The following ZNF354B variants were observed in gnomAD, a reference collection of about 807,000 sequenced individuals.
ZNF354B encodes the protein zinc finger protein 354B.
ZNF354B carries 10 observed loss-of-function variants against 12.9 expected under a neutral mutation model. That is an observed-to-expected ratio of 0.77 (90% CI 0.48 to 1.31). The LOEUF (loss-of-function observed/expected upper bound fraction) is 1.31. Among genes scored for constraint, ZNF354B ranks in the 40% most tolerant of loss-of-function variants. ZNF354B has a pLI of 0.00. For missense variants in ZNF354B, 614 were observed against 711.7 expected, an observed-to-expected ratio of 0.86 and a Z score of 1.56; for synonymous variants, 260 against 243.7, an observed-to-expected ratio of 1.07 and a Z score of -0.62.
In ZNF354B at chr5:178,867,063, CCT is replaced by C; in HGVS notation, c.253_254del (p.Leu85ArgfsTer3). Reference sequence around the variant, plus strand: ...GTGGAGAAAGACAGTTCTGGTGTCTCCTCTCTAGGTAAGTGGGTGGCCCGAGG... The same window carrying C: ...GTGGAGAAAGACAGTTCTGGTGTCTCCTCTAGGTAAGTGGGTGGCCCGAGG... On this transcript the variant is annotated frameshift_variant, in exon 4 of 5. Transcript: ENST00000322434. LOFTEE classifies it low-confidence loss of function (END_TRUNC). 6.2e-7 allele frequency: 1 copy of C among 1,612,882 alleles called. No individual in the cohort carries two copies. Among genetic ancestry groups the C allele is most frequent in the Non-Finnish European group, 8.5e-7 (1 of 1,179,776 alleles).
Position 178,882,712 on chromosome 5 carries a change from G to A in ZNF354B, c.260G>A (p.Cys87Tyr), listed in dbSNP as rs113373588. The change falls in exon 5 of 5, where the codon TGT becomes TAT. Residue 87 changes from cysteine (C) to tyrosine (Y), a missense_variant. Physicochemically the swap from Cys to Tyr is radical, Grantham distance 194 (BLOSUM62 -2). Coordinates refer to ENST00000322434, the MANE Select transcript of ZNF354B (RefSeq NM_058230.3). ...KDSSGVSSLGCKSTPKMTKST... is the reference protein window; with the variant it reads ...KDSSGVSSLGYKSTPKMTKST... ...CTTTCTTTTTTTCTTTTTTCAGGAT[G>A]TAAGAGCACACCTAAAATGACAAAG... 5 of 1,555,570 alleles carry A rather than the reference G, an allele frequency of 3.2e-6. No individual in the cohort carries two copies. The highest frequency in any genetic ancestry group is 2.5e-5 in the South Asian group (2 of 80,494).
At chr5:178,878,824 C>T (rs1250449711) in intron 4 of ZNF354B, among the ~76,000 whole-genome samples, 1 of 151,724 alleles carries the variant, frequency 6.6e-6, no homozygotes, top group Non-Finnish European at 1.5e-5. Flanking sequence ...GCCTTAGCCT[C>T]CCAAGTAGCT....
Position 178,883,836 on chromosome 5 carries a change from G to A in ZNF354B, c.1384G>A (p.Gly462Arg). Residue 462 changes from glycine (G) to arginine (R), a missense_variant, in exon 5 of 5, where the codon GGA becomes AGA. Coordinates refer to ENST00000322434, the MANE Select transcript of ZNF354B (RefSeq NM_058230.3). ...TATTATTCATGAGCGAATTCATACT[G>A]GAGAAAAACCATGTAAATGTAAAGT... The part of the protein sequence containing the change: ...TLIIHERIHT[G>R]EKPCKCKVCG... The A allele has an allele frequency of 6.2e-7, 1 of 1,614,076 alleles. No homozygotes were observed. Among genetic ancestry groups the A allele is most frequent in the Non-Finnish European group, 8.5e-7 (1 of 1,179,996 alleles).
chr5:178,874,935 T>C (rs1047128061), intron 4 of ZNF354B, among the ~76,000 whole-genome samples: 5 of 152,370 alleles, frequency 3.3e-5, no homozygotes, highest in African/African-American at 4.8e-5. Flanking sequence ...GCCAGTGTTT[T>C]ATGCAGGGTG....
At chr5:178,875,054 G>C (rs2114020222) in intron 4 of ZNF354B, among the ~76,000 whole-genome samples, 1 of 152,260 alleles carries the variant, frequency 6.6e-6, no homozygotes, top group East Asian at 1.9e-4. Flanking sequence ...TAAGTGTTAT[G>C]GCCAGTAGGT....
At chr5:178,877,672 C>T (rs1455391726) in intron 4 of ZNF354B, among the ~76,000 whole-genome samples, 2 of 152,206 alleles carry the variant, frequency 1.3e-5, no homozygotes, top group Non-Finnish European at 2.9e-5. Context: ...ATTTGGAGAA[C>T]AAGGTCTTTA....
chr5:178,867,223 T>C (rs1757476497), intron 4 of ZNF354B, 152 bp downstream of exon 4: 1 of 731,952 alleles, frequency 1.4e-6, no homozygotes. Context: ...TAGGCAGGAT[T>C]AGTCACTTGT....
intron 4 of ZNF354B, among the ~76,000 whole-genome samples, 179 bp from the exon 5 acceptor site, chr5:178,882,530 C>T (rs1255706641): frequency 1.3e-5 from 2 of 152,138 alleles, no homozygotes; most frequent in Non-Finnish European, 2.9e-5. Flanking sequence ...TTGTTTTATT[C>T]ATTTGTTCAC....
At chr5:178,868,999 G>A (rs1248222028) in intron 4 of ZNF354B, among the ~76,000 whole-genome samples, 3 of 151,402 alleles carry the variant, frequency 2.0e-5, no homozygotes, top group East Asian at 1.9e-4. Flanking sequence ...AATGGTGTTC[G>A]TGAAGGTCCA....
At chr5:178,872,280 TA>T in intron 4 of ZNF354B, among the ~76,000 whole-genome samples, 1 of 152,106 alleles carries the variant, frequency 6.6e-6, no homozygotes, top group East Asian at 1.9e-4. Flanking sequence ...CCACTTAACA[TA>T]AATCTCTGGA....
At chr5:178,881,579 A>G (rs1423283585) in intron 4 of ZNF354B, among the ~76,000 whole-genome samples, 2 of 152,154 alleles carry the variant, frequency 1.3e-5, no homozygotes, top group East Asian at 3.8e-4. Context: ...ATTTACTGTG[A>G]TTCTTAGTAT....
chr5:178,882,915 G>A lies in ZNF354B; in HGVS notation c.463G>A (p.Asp155Asn). 1.2e-6 allele frequency: 2 copies of A among 1,601,368 alleles called. No homozygotes were observed. The highest frequency in any genetic ancestry group is 1.7e-6 in the Non-Finnish European group (2 of 1,176,930). The change falls in exon 5 of 5, where the codon GAT (aspartate) becomes AAT (asparagine). Residue 155 changes from aspartate to asparagine, a missense_variant. Transcript: ENST00000322434. ...SVAHTKILTVDRSHKNVEFGQ... is the reference protein window; with the variant it reads ...SVAHTKILTVNRSHKNVEFGQ... ...TGCCCATACAAAAATCCTTACTGTA[G>A]ATAGAAGCCATAAAAATGTTGAATT...
intron 4 of ZNF354B, among the ~76,000 whole-genome samples, chr5:178,871,782 G>C (rs1757567761): frequency 6.6e-6 from 1 of 152,160 alleles, no homozygotes; most frequent in Non-Finnish European, 1.5e-5. Context: ...AGGGATGCTT[G>C]TTTTGTTTCT....
rs537795971 is a variant in ZNF354B, at chr5:178,861,172, C to CCTTG, written c.33+93_33+94insTTGC. 2,408 of 943,770 alleles carry CCTTG rather than the reference C, an allele frequency of 2.6e-3. 44 individuals carry two copies. The African/African-American group carries it at 0.035, about 14-fold the overall frequency. 58.5% of individuals were successfully genotyped at this position (943,770 alleles called of 1,614,324 possible). Reference sequence around the variant, plus strand: ...GGACCATCTCCAGCCAGGATGGAGCCCAAGTCCTTTTCTCTTGGAGGAGCT... The same window carrying CCTTG: ...GGACCATCTCCAGCCAGGATGGAGCCCTTGCAAGTCCTTTTCTCTTGGAGGAGCT... On this transcript the variant is annotated intron_variant, in intron 2 of 4. Coordinates refer to ENST00000322434, the MANE Select transcript of ZNF354B (RefSeq NM_058230.3).
rs971259473 is a variant in ZNF354B, at chr5:178,867,061, C to G, written c.246C>G (p.Val82=). 1.2e-6 allele frequency: 2 copies of G among 1,612,956 alleles called. No homozygotes were observed. Among genetic ancestry groups the G allele is most frequent in the Non-Finnish European group, 1.7e-6 (2 of 1,179,804 alleles). ...PWEVEKDSSG[V]SSLGCKSTPK... is the part of the protein sequence containing the mutation. ...AGGTGGAGAAAGACAGTTCTGGTGT[C>G]TCCTCTCTAGGTAAGTGGGTGGCCC... Residue 82 remains valine (V), a synonymous_variant, in exon 4 of 5, where the codon GTC becomes GTG. Transcript: ENST00000322434.
chr5:178,861,852 TG>T (rs1376347515), intron 2 of ZNF354B, among the ~76,000 whole-genome samples: 5 of 152,150 alleles, frequency 3.3e-5, no homozygotes, highest in African/African-American at 1.2e-4. Flanking sequence ...ACCTGTAAAA[TG>T]GGAATAACAG....
intron 4 of ZNF354B, among the ~76,000 whole-genome samples, chr5:178,872,696 A>G (rs765603337): frequency 1.3e-5 from 2 of 152,232 alleles, no homozygotes; most frequent in South Asian, 4.1e-4. Flanking sequence ...GTGTATGGTG[A>G]AATACATTGT....
intron 2 of ZNF354B, among the ~76,000 whole-genome samples, chr5:178,862,216 C>T (rs1471775316): frequency 3.9e-5 from 6 of 152,082 alleles, no homozygotes; most frequent in Non-Finnish European, 7.4e-5. Flanking sequence ...AACTGAGGCT[C>T]AGAAAAGTTA....
chr5:178,879,862 T>TC (rs1352665668), intron 4 of ZNF354B, among the ~76,000 whole-genome samples: 2 of 151,738 alleles, frequency 1.3e-5, no homozygotes, highest in Non-Finnish European at 2.9e-5. Context: ...GCGTGGTGGC[T>TC]CAAGCCTGTA....
Sources: gnomAD v4.1 joint callset for allele counts (sites outside exome capture counted in the v4.1 genomes callset) on GRCh38, gnomAD v4.1.1 for gene constraint, MANE v1.5 for transcripts, NCBI Gene and HGNC (gene_info 2026-07-23, HGNC 2026-07-21) for gene names.